ABLIM2: variants seen among roughly 807,000 people sequenced by gnomAD.
The protein encoded by ABLIM2 is actin-binding LIM protein 2.
ABLIM2 carries 53 observed loss-of-function variants against 97.7 expected under a neutral mutation model. That is an observed-to-expected ratio of 0.54 (90% confidence interval 0.44 to 0.68). The LOEUF is 0.68. Ranked by LOEUF, ABLIM2 falls within the 30% of genes least tolerant of loss-of-function variation. The probability of loss-of-function intolerance (pLI) is 0.00; values close to 1 mark genes in which losing one functional copy is unlikely to be tolerated. For missense variants in ABLIM2, 835 were observed against 867.2 expected, an observed-to-expected ratio of 0.96 and a Z score of 0.47; for synonymous variants, 361 against 345.8, an observed-to-expected ratio of 1.04 and a Z score of -0.49.
In ABLIM2 at chr4:7,996,097, G is replaced by A. The variant is rs1422713776; in HGVS notation, c.1619-3170C>T. On this transcript the variant is annotated intron_variant, in intron 16 of 20. Coordinates refer to ENST00000447017, the MANE Select transcript of ABLIM2 (RefSeq NM_001130083.2). This position sits in a 1 kb window ranked among gnomAD's most constrained non-coding sequence, Gnocchi z 4.5. ...GAGGGCCCCTCCAGCTGCAGCGGGA[G>A]CTCCTTATCAGCAAAGGTGCTAGAG... is the stretch of plus-strand genomic sequence containing the variant. Among the ~76,000 whole-genome samples the A allele has an allele frequency of 6.6e-6, 1 of 152,180 alleles. No homozygotes were observed. The highest frequency in any genetic ancestry group is 2.4e-5 in the African/African-American group (1 of 41,450).
At chr4:8,008,522 C>T (rs28611048) in intron 15 of ABLIM2, among the ~76,000 whole-genome samples, 63,182 of 152,110 alleles carry the variant, frequency 0.42, 13,309 homozygotes, top group Non-Finnish European at 0.45. Flanking sequence ...AGTCCAGCCT[C>T]GGGCTCTCCC....
At chr4:7,983,156 G>T in intron 20 of ABLIM2, 108 bp downstream of exon 20, 1 of 1,158,098 alleles carries the variant, frequency 8.6e-7, no homozygotes, top group Non-Finnish European at 1.3e-6. Flanking sequence ...GCTCTGCACT[G>T]TCCCCCACGG....
At chr4:8,136,448 A>G (rs1172247380) in intron 1 of ABLIM2, among the ~76,000 whole-genome samples, 1 of 152,252 alleles carries the variant, frequency 6.6e-6, no homozygotes, top group Non-Finnish European at 1.5e-5. Flanking sequence ...ATGTATACAT[A>G]GTACCACTGT....
In ABLIM2 at chr4:8,147,246, C is replaced by T. The variant is rs1197019385; in HGVS notation, c.10+11434G>A. ...TAACTCCCGGGACGTTTAAATTTAG[C>T]GAGTAACATTTTTTTTATCCTATGA... On this transcript the variant is annotated intron_variant, in intron 1 of 20. Transcript: ENST00000447017. This position sits in a 1 kb window ranked among gnomAD's most constrained non-coding sequence, Gnocchi z 5.3. Among the ~76,000 whole-genome samples the T allele has an allele frequency of 2.0e-5, 3 of 152,256 alleles. No homozygotes were observed. The highest frequency in any genetic ancestry group is 3.9e-4 in the East Asian group (2 of 5,192).
At chr4:8,028,609 A>C (rs912511051) in intron 11 of ABLIM2, among the ~76,000 whole-genome samples, 1 of 152,174 alleles carries the variant, frequency 6.6e-6, no homozygotes, top group Non-Finnish European at 1.5e-5. Context: ...TCACTCACTC[A>C]TTCCCTTACT....
chr4:8,041,640 C>T (rs1399848019), intron 9 of ABLIM2, among the ~76,000 whole-genome samples: 1 of 151,814 alleles, frequency 6.6e-6, no homozygotes, highest in South Asian at 2.1e-4. Flanking sequence ...CGGTGGCTCA[C>T]GCCTGTAATC....
rs1819305661 is a variant in ABLIM2, at chr4:8,080,762, G to A, written c.495C>T (p.Ala165=). 6.2e-7 allele frequency: 1 copy of A among 1,611,362 alleles called. No individual in the cohort carries two copies. ...GCCAGTGCTTGTCCAAGGCTACCAGGGCCTGGCCATTCTTGATTTCTGTGC... is the reference window on the plus strand; with the variant it reads ...GCCAGTGCTTGTCCAAGGCTACCAGAGCCTGGCCATTCTTGATTTCTGTGC... ...GCGTEIKNGQ[A]LVALDKHWHL... Residue 165 remains alanine (A), a synonymous_variant, in exon 5 of 21, where the codon GCC becomes GCT. Transcript: ENST00000447017.
intron 1 of ABLIM2, among the ~76,000 whole-genome samples, chr4:8,111,485 T>C (rs372103742): frequency 1.3e-5 from 2 of 152,188 alleles, no homozygotes; most frequent in African/African-American, 2.4e-5. Flanking sequence ...CGCTTAAGAA[T>C]ACATCAACGT....
chr4:7,987,600 G>A (rs1247021965), intron 17 of ABLIM2, among the ~76,000 whole-genome samples: 1 of 152,110 alleles, frequency 6.6e-6, no homozygotes, highest in African/African-American at 2.4e-5. Context: ...TCTGCATAAC[G>A]GGCTTCCAAA....
chr4:8,027,008 T>C (rs1051975304), intron 12 of ABLIM2, among the ~76,000 whole-genome samples: 18 of 151,990 alleles, frequency 1.2e-4, no homozygotes, highest in African/African-American at 3.4e-4. Flanking sequence ...TTTACCTGAG[T>C]GTGTGTGGAG....
intron 1 of ABLIM2, among the ~76,000 whole-genome samples, chr4:8,118,764 C>T (rs1328379873): frequency 6.6e-6 from 1 of 152,224 alleles, no homozygotes; most frequent in East Asian, 1.9e-4. Flanking sequence ...GTGCCCATCT[C>T]ACCTGGGAAG....
rs866792601 is a variant in ABLIM2, at chr4:7,992,043, G to A, written c.1680+823C>T. On this transcript the variant is annotated intron_variant, in intron 17 of 20. Coordinates refer to ENST00000447017, the MANE Select transcript of ABLIM2 (RefSeq NM_001130083.2). This position sits in a 1 kb window ranked among gnomAD's most constrained non-coding sequence, Gnocchi z 5.7. ...GAACAAATTTCCAGACTGGGACGAG[G>A]CTGCCTTGCGCAATGGGGAGACCCC... is the stretch of plus-strand genomic sequence containing the variant. Among the ~76,000 whole-genome samples, 4 of 152,330 alleles carry A rather than the reference G, an allele frequency of 2.6e-5. No homozygotes were observed. The Middle Eastern group carries it at 0.01, about 389-fold the overall frequency.
rs1797758922 is a variant in ABLIM2 at position 8,054,401 on chromosome 4, T to C, written c.764-155A>G. 6.6e-6 allele frequency among the ~76,000 whole-genome samples: 1 copy of C among 152,232 alleles called. No homozygotes were observed. The highest frequency in any genetic ancestry group is 2.4e-5 in the African/African-American group (1 of 41,462). On this transcript the variant is annotated intron_variant, in intron 7 of 20. Transcript: ENST00000447017. This position sits in a 1 kb window ranked among gnomAD's most constrained non-coding sequence, Gnocchi z 4.9. Reference sequence around the variant, plus strand: ...CTGAGCATCCTCTCTGTGCTGGAGTTAGTGCCGGGCAGGGGGTACCCAGAT... The same window carrying C: ...CTGAGCATCCTCTCTGTGCTGGAGTCAGTGCCGGGCAGGGGGTACCCAGAT...
intron 2 of ABLIM2, among the ~76,000 whole-genome samples, chr4:8,105,586 G>A (rs921512777): frequency 2.0e-5 from 3 of 152,210 alleles, no homozygotes; most frequent in African/African-American, 4.8e-5. Flanking sequence ...AACCGTCAGC[G>A]CACTAGGGTT....
rs1841424629 is a variant in ABLIM2 at position 8,113,692 on chromosome 4, C to A, written c.11-7055G>T. ...CATCCGCCAAGATGATTTCAGAAAG[C>A]TCCCCGTCTGCTGTTTGTATCATCC... On this transcript the variant is annotated intron_variant, in intron 1 of 20. Coordinates refer to ENST00000447017, the MANE Select transcript of ABLIM2 (RefSeq NM_001130083.2). The surrounding 1 kb of genome is among the most constrained non-coding windows in gnomAD (Gnocchi z 4.5). Among the ~76,000 whole-genome samples, 1 of 152,250 alleles carries A rather than the reference C, an allele frequency of 6.6e-6. No individual in the cohort carries two copies. Among genetic ancestry groups the A allele is most frequent in the African/African-American group, 2.4e-5 (1 of 41,464 alleles).
At chr4:8,055,969 C>T (rs929968586) in intron 7 of ABLIM2, among the ~76,000 whole-genome samples, 2 of 151,632 alleles carry the variant, frequency 1.3e-5, no homozygotes, top group Non-Finnish European at 2.9e-5. Flanking sequence ...AAAAATTAGC[C>T]AGGCATTGTG....
chr4:8,154,785 G>A (rs2152964502), intron 1 of ABLIM2, among the ~76,000 whole-genome samples: 1 of 152,290 alleles, frequency 6.6e-6, no homozygotes, highest in South Asian at 2.1e-4. Flanking sequence ...GTATTAGTCT[G>A]TTCTCATGCT....
intron 1 of ABLIM2, among the ~76,000 whole-genome samples, chr4:8,144,420 T>G (rs1234526711): frequency 6.6e-6 from 1 of 152,164 alleles, no homozygotes; most frequent in African/African-American, 2.4e-5. Flanking sequence ...CTTGTTCTAT[T>G]TGAAAGGCAA....
rs571844481 is a variant in ABLIM2 at position 8,116,559 on chromosome 4, C to T, written c.11-9922G>A. The stretch of plus-strand genomic sequence containing the variant: ...ACCATGATTGTCTGCAGACAAATGG[C>T]TCCATCTATGTTGCACATCCGGGGA... On this transcript the variant is annotated intron_variant, in intron 1 of 20. Coordinates refer to ENST00000447017, the MANE Select transcript of ABLIM2 (RefSeq NM_001130083.2). 5.9e-5 allele frequency among the ~76,000 whole-genome samples: 9 copies of T among 152,350 alleles called. No homozygotes were observed. The South Asian group carries it at 1.7e-3, about 28-fold the overall frequency.
Sources: gnomAD v4.1 joint callset for allele counts (sites outside exome capture counted in the v4.1 genomes callset) on GRCh38, gnomAD v4.1.1 for gene constraint, Gnocchi (gnomAD v3.1) non-coding constraint, MANE v1.5 for transcripts, NCBI Gene and HGNC (gene_info 2026-07-23, HGNC 2026-07-21) for gene names.